Variants in SMYD1 observed in about 807,000 individuals in gnomAD.
SMYD1 encodes histone-lysine N-methyltransferase SMYD1.
In SMYD1, 49 loss-of-function variants were observed where a neutral mutation model predicts 54.0. The ratio of observed to expected loss-of-function variants is 0.91; its 90% CI spans 0.72 to 1.15. SMYD1 has a LOEUF of 1.15. SMYD1 is among the 50% of genes most tolerant of loss of function. The pLI is 0.00. For missense variants in SMYD1, 653 were observed against 639.6 expected (o/e 1.02, Z -0.23); for synonymous variants, 269 against 234.2 (o/e 1.15, Z -1.36).
In SMYD1 at chr2:88,110,407, C is replaced by T. The variant is rs1674991090; in HGVS notation, c.1368C>T (p.Phe456=). Residue 456 remains phenylalanine, a synonymous_variant, in exon 10 of 10, where the codon TTC becomes TTT. Transcript: ENST00000419482. The part of the protein sequence containing the change: ...MELRMFRQNE[F]MYYKMREAAL... ...TACGCATGTTCCGCCAGAACGAATTCATGTACTACAAGATGCGCGAGGCTG... is the reference window on the plus strand; with the variant it reads ...TACGCATGTTCCGCCAGAACGAATTTATGTACTACAAGATGCGCGAGGCTG... 12 of 1,612,654 alleles carry T rather than the reference C, an allele frequency of 7.4e-6. No individual in the cohort carries two copies. Among genetic ancestry groups the T allele is most frequent in the Non-Finnish European group, 1.0e-5 (12 of 1,179,420 alleles).
chr2:88,093,452 C>T (rs1157362289), intron 4 of SMYD1, 65 bp from the exon 5 acceptor site: 1 of 1,573,250 alleles, frequency 6.4e-7, no homozygotes, highest in Non-Finnish European at 8.8e-7. Flanking sequence ...TACACCCTTG[C>T]ACTGGATCAC....
At position 88,103,045 on chromosome 2, in the gene SMYD1, C is replaced by G; in HGVS notation, c.889-13C>G. The G allele has an allele frequency of 3.1e-6, 5 of 1,612,220 alleles. No homozygotes were observed. Among genetic ancestry groups the G allele is most frequent in the Non-Finnish European group, 4.2e-6 (5 of 1,178,436 alleles). ...TGAAGGCATCTCTAGCTCAATGTGT[C>G]TCTCTTTCCCAGCCCTCTCAGGAAG... is the stretch of plus-strand genomic sequence containing the variant. On this transcript the variant is annotated splice_polypyrimidine_tract_variant and intron_variant, in intron 6 of 9. Transcript: ENST00000419482.
At chr2:88,105,821 C>T (rs1424766725) in intron 7 of SMYD1, among the ~76,000 whole-genome samples, 1 of 151,968 alleles carries the variant, frequency 6.6e-6, no homozygotes, top group Non-Finnish European at 1.5e-5. Context: ...ACCTGTAATC[C>T]CAGCTACTCA....
intron 7 of SMYD1, 27 bp downstream of exon 7, chr2:88,103,177 G>A (rs1188868059): frequency 1.9e-6 from 3 of 1,600,664 alleles, no homozygotes; most frequent in Admixed American, 3.3e-5. Context: ...TATAGAGGAT[G>A]GGGGTAGAAA....
At chr2:88,100,003 C>T (rs1242944467) in intron 6 of SMYD1, among the ~76,000 whole-genome samples, 1 of 148,812 alleles carries the variant, frequency 6.7e-6, no homozygotes, top group Non-Finnish European at 1.5e-5. Context: ...TCTGGCTCCT[C>T]CCCCAGCCCC....
At chr2:88,069,680 G>T (rs1673904856) in intron 1 of SMYD1, among the ~76,000 whole-genome samples, 1 of 152,164 alleles carries the variant, frequency 6.6e-6, no homozygotes, top group African/African-American at 2.4e-5. Flanking sequence ...ATAAAAGCAA[G>T]GCATTGTCAT....
chr2:88,088,653 T>G (rs1395411749), intron 3 of SMYD1, among the ~76,000 whole-genome samples: 1 of 152,204 alleles, frequency 6.6e-6, no homozygotes, highest in Non-Finnish European at 1.5e-5. Context: ...TTATCTGCAC[T>G]TTTTACATTT....
At chr2:88,072,314 C>A (rs188975235) in intron 1 of SMYD1, among the ~76,000 whole-genome samples, 1 of 152,240 alleles carries the variant, frequency 6.6e-6, no homozygotes, top group Admixed American at 6.5e-5. Flanking sequence ...CCACACCCAG[C>A]TAATTTTTGT....
chr2:88,078,612 T>A (rs1674122029), intron 1 of SMYD1, among the ~76,000 whole-genome samples: 1 of 152,172 alleles, frequency 6.6e-6, no homozygotes, highest in Non-Finnish European at 1.5e-5. Context: ...TCAGACTACA[T>A]TTGAAGGAAA....
chr2:88,080,628 T>C (rs528074296), intron 1 of SMYD1, among the ~76,000 whole-genome samples: 2 of 152,154 alleles, frequency 1.3e-5, no homozygotes, highest in Admixed American at 1.3e-4. Context: ...CTTTCTCTCC[T>C]GCCTTGGGTT....
intron 6 of SMYD1, among the ~76,000 whole-genome samples, chr2:88,097,110 T>C (rs940692493): frequency 6.6e-6 from 1 of 152,230 alleles, no homozygotes; most frequent in African/African-American, 2.4e-5. Context: ...GAGTAGACAC[T>C]GGAAATTTTG....
rs1236112373 is a variant in SMYD1 at position 88,104,112 on chromosome 2, G to A, written c.981+962G>A. On this transcript the variant is annotated intron_variant, in intron 7 of 9. Transcript: ENST00000419482. ...CTCCCAAGTAGCTGGGACTACAGGT[G>A]CCCGCCACCACGCCTGGCTAATTTT... is the stretch of plus-strand genomic sequence containing the variant. 1.3e-5 allele frequency among the ~76,000 whole-genome samples: 2 copies of A among 151,980 alleles called. 1 individual carries two copies. Among genetic ancestry groups the A allele is most frequent in the South Asian group, 4.2e-4 (2 of 4,818 alleles).
At chr2:88,078,791 C>G (rs967351329) in intron 1 of SMYD1, among the ~76,000 whole-genome samples, 3 of 152,232 alleles carry the variant, frequency 2.0e-5, no homozygotes, top group Non-Finnish European at 4.4e-5. Context: ...ACTCTGCATC[C>G]TCCTTCTCCC....
At chr2:88,086,588 C>T (rs1674331523) in intron 2 of SMYD1, among the ~76,000 whole-genome samples, 1 of 152,224 alleles carries the variant, frequency 6.6e-6, no homozygotes, top group Non-Finnish European at 1.5e-5. Context: ...CCCCTCCCTG[C>T]TTCCTGCACG....
intron 3 of SMYD1, among the ~76,000 whole-genome samples, chr2:88,089,908 C>T (rs750897010): frequency 6.6e-6 from 1 of 152,082 alleles, no homozygotes; most frequent in Non-Finnish European, 1.5e-5. Flanking sequence ...TTTACTTTTA[C>T]CTGTTATGTT....
intron 1 of SMYD1, among the ~76,000 whole-genome samples, chr2:88,074,508 T>C (rs1294362860): frequency 1.3e-5 from 2 of 152,214 alleles, no homozygotes; most frequent in African/African-American, 2.4e-5. Context: ...TGCCATGTAA[T>C]GTAATCTATT....
chr2:88,109,622 A>G (rs2104019427), intron 9 of SMYD1, among the ~76,000 whole-genome samples: 1 of 152,318 alleles, frequency 6.6e-6, no homozygotes, highest in Non-Finnish European at 1.5e-5. Flanking sequence ...CTTTGGTGTT[A>G]TAAAATGTAG....
chr2:88,071,201 A>G (rs1458527312), intron 1 of SMYD1, among the ~76,000 whole-genome samples: 2 of 152,292 alleles, frequency 1.3e-5, no homozygotes, highest in South Asian at 2.1e-4. Flanking sequence ...AATGGTTGCT[A>G]TGAACATTTT....
chr2:88,100,040 T>A (rs1471632879), intron 6 of SMYD1, among the ~76,000 whole-genome samples: 1 of 141,078 alleles, frequency 7.1e-6, no homozygotes, highest in East Asian at 2.3e-4. Context: ...CTGCTCCTTC[T>A]CCTATGCCTC....
Sources: allele counts gnomAD v4.1 joint callset (sites outside exome capture counted in the v4.1 genomes callset), GRCh38; gene constraint gnomAD v4.1.1; transcripts MANE v1.5; gene names NCBI Gene and HGNC (gene_info 2026-07-23, HGNC 2026-07-21).